TUBA4B: variants seen among roughly 807,000 people sequenced by gnomAD.
The protein encoded by TUBA4B is tubulin alpha 4b.
Under a neutral mutation model 18.4 loss-of-function variants are expected in TUBA4B, and 13 were observed. The observed-to-expected ratio is 0.71, with a 90% CI of 0.46 to 1.12. The LOEUF (loss-of-function observed/expected upper bound fraction) is 1.12. Ranked by LOEUF, TUBA4B falls within the 50% of genes most tolerant of loss-of-function variation. The pLI is 0.00. For synonymous variants in TUBA4B, 101 were observed against 99.1 expected, an observed-to-expected ratio of 1.02 and a Z score of -0.11; for missense variants, 244 against 250.0, an observed-to-expected ratio of 0.98 and a Z score of 0.16.
chr2:219,270,400 G>A (rs1050370171), intron 3 of TUBA4B, 65 bp downstream of exon 3: 1 of 694,190 alleles, frequency 1.4e-6, no homozygotes, highest in African/African-American at 1.8e-5. Flanking sequence ...GAGGTAGTCT[G>A]GACACCAGAT....
chr2:219,263,642 A>G (rs1005876785), intron 1 of TUBA4B, among the ~76,000 whole-genome samples: 1 of 152,188 alleles, frequency 6.6e-6, no homozygotes, highest in African/African-American at 2.4e-5. Context: ...CTCCATCTGG[A>G]CAATAATTCC....
chr2:219,257,312 ACTACAGGTGTGAG>A (rs1014469921), intron 1 of TUBA4B, among the ~76,000 whole-genome samples: 1 of 145,262 alleles, frequency 6.9e-6, no homozygotes, highest in African/African-American at 2.5e-5. Flanking sequence ...AAATGCTGGG[ACTACAGGTGTGAG>A]CCACTGCGCC....
intron 1 of TUBA4B, among the ~76,000 whole-genome samples, chr2:219,255,208 C>A (rs1019645709): frequency 6.6e-6 from 1 of 152,186 alleles, no homozygotes; most frequent in Non-Finnish European, 1.5e-5. Flanking sequence ...AGACCACAGG[C>A]GTGCACCAAC....
rs370821428 is a variant in TUBA4B at position 219,253,368 on chromosome 2, T to G, written c.-40T>G. 0.029 allele frequency: 44,514 copies of G among 1,529,366 alleles called. 752 individuals carry two copies. The highest frequency in any genetic ancestry group is 0.034 in the Non-Finnish European group (38,678 of 1,144,216). 94.7% of individuals were successfully genotyped at this position (1,529,366 alleles called of 1,614,324 possible). On this transcript the variant is annotated 5_prime_UTR_variant, in exon 1 of 4. Transcript: ENST00000490341. ...GTGCTGAGTCACGGGGGGGGGGTGG[T>G]TCTGTGGATAGTTGGAATGCATACA...
intron 1 of TUBA4B, among the ~76,000 whole-genome samples, chr2:219,255,061 T>G (rs1296877538): frequency 6.6e-6 from 1 of 152,034 alleles, no homozygotes; most frequent in Non-Finnish European, 1.5e-5. Flanking sequence ...TCTCTCTCTC[T>G]CTCTTTTGAG....
intron 1 of TUBA4B, among the ~76,000 whole-genome samples, chr2:219,260,117 T>C (rs533921346): frequency 1.2e-4 from 18 of 152,276 alleles, no homozygotes; most frequent in Admixed American, 9.2e-4. Context: ...CTAGCTTTTG[T>C]CCTGGCCCCT....
rs1553571364 is a variant in TUBA4B, at chr2:219,253,358, G to GT, written c.-50_-49insT. 2.0e-6 allele frequency: 3 copies of GT among 1,528,028 alleles called. No homozygotes were observed. The highest frequency in any genetic ancestry group is 2.4e-5 in the East Asian group (1 of 40,886). The allele number at this position is 1,528,028 out of a possible 1,614,324, so 94.7% of individuals were successfully genotyped here. A position where few individuals can be genotyped will look rare whatever the true frequency, so the allele number is the denominator to read the frequency against. ...CAGACGCGGGGTGCTGAGTCACGGG[G>GT]GGGGGGTGGTTCTGTGGATAGTTGG... On this transcript the variant is annotated 5_prime_UTR_variant, in exon 1 of 4. Coordinates refer to ENST00000490341, the MANE Select transcript of TUBA4B (RefSeq NM_001355221.1).
chr2:219,253,564 C>G (rs1951684702), intron 1 of TUBA4B, 145 bp downstream of exon 1: 1 of 772,742 alleles, frequency 1.3e-6, no homozygotes, highest in East Asian at 2.7e-5. Flanking sequence ...GACTCTCATA[C>G]AGAGTCGGGA....
In TUBA4B at chr2:219,271,806, C is replaced by T. The variant is rs552055271; in HGVS notation, c.*107C>T. On this transcript the variant is annotated 3_prime_UTR_variant, in exon 4 of 4. Coordinates refer to ENST00000490341, the MANE Select transcript of TUBA4B (RefSeq NM_001355221.1). ...CCATTGCTGCCATCAAGACCAAGTG[C>T]AGCATTCAGTTTGTGGACTGGTGCC... 2 of 1,602,128 alleles carry T rather than the reference C, an allele frequency of 1.2e-6. No homozygotes were observed. The highest frequency in any genetic ancestry group is 2.7e-5 in the African/African-American group (2 of 74,832).
At chr2:219,259,040 T>C (rs778208035) in intron 1 of TUBA4B, among the ~76,000 whole-genome samples, 1 of 151,850 alleles carries the variant, frequency 6.6e-6, no homozygotes, top group Non-Finnish European at 1.5e-5. Flanking sequence ...CCTAGCACTC[T>C]GGGAGGCCGA....
Position 219,272,098 on chromosome 2 carries a change from T to C in TUBA4B, c.*399T>C, listed in dbSNP as rs1951831740. On this transcript the variant is annotated 3_prime_UTR_variant, in exon 4 of 4. Transcript: ENST00000490341. ...GAGAAGGATTACAAGGAGGTGGGCA[T>C]GGATAGTGTGGAGTGGGGGGAAGAA... The C allele has an allele frequency of 2.1e-6, 2 of 956,726 alleles. No homozygotes were observed. Among genetic ancestry groups the C allele is most frequent in the Middle Eastern group, 5.2e-4 (2 of 3,834 alleles). 59.3% of individuals were successfully genotyped at this position (956,726 alleles called of 1,614,324 possible).
chr2:219,262,107 C>T (rs935226067), intron 1 of TUBA4B, among the ~76,000 whole-genome samples: 17 of 152,110 alleles, frequency 1.1e-4, no homozygotes, highest in Admixed American at 6.6e-5. Context: ...GTCAGGAGAT[C>T]GAGACCATCC....
chr2:219,265,996 T>A (rs1331787446), intron 1 of TUBA4B, among the ~76,000 whole-genome samples: 1 of 152,258 alleles, frequency 6.6e-6, no homozygotes, highest in Non-Finnish European at 1.5e-5. Flanking sequence ...TCTAGGTCGC[T>A]TGTTCTATGA....
intron 1 of TUBA4B, among the ~76,000 whole-genome samples, chr2:219,262,603 G>T (rs1336751186): frequency 6.6e-6 from 1 of 152,076 alleles, no homozygotes; most frequent in African/African-American, 2.4e-5. Flanking sequence ...GACCTCCTGC[G>T]CTCAAGTGAG....
In TUBA4B at chr2:219,271,834, A is replaced by G. The variant is rs1215966839; in HGVS notation, c.*135A>G. ...CATTCAGTTTGTGGACTGGTGCCCCACAGGCTTTAAGGTTGATATCAATCA... is the reference window on the plus strand; with the variant it reads ...CATTCAGTTTGTGGACTGGTGCCCCGCAGGCTTTAAGGTTGATATCAATCA... On this transcript the variant is annotated 3_prime_UTR_variant, in exon 4 of 4. Transcript: ENST00000490341. 6.4e-7 allele frequency: 1 copy of G among 1,571,562 alleles called. No individual in the cohort carries two copies. The highest frequency in any genetic ancestry group is 8.8e-7 in the Non-Finnish European group (1 of 1,141,448).
In TUBA4B at chr2:219,272,052, C is replaced by T; in HGVS notation, c.*353C>T. The stretch of plus-strand genomic sequence containing the variant: ...GGAGGAGGGTGAGTTCTCCAAGGCC[C>T]ATGAGGATATGACTGCCCTGGAGAA... On this transcript the variant is annotated 3_prime_UTR_variant, in exon 4 of 4. Coordinates refer to ENST00000490341, the MANE Select transcript of TUBA4B (RefSeq NM_001355221.1). 1 of 1,405,776 alleles carries T rather than the reference C, an allele frequency of 7.1e-7. No homozygotes were observed. The highest frequency in any genetic ancestry group is 1.0e-6 in the Non-Finnish European group (1 of 992,944). The allele number at this position is 1,405,776 out of a possible 1,614,324, so 87.1% of individuals were successfully genotyped here.
chr2:219,261,787 C>T (rs191490797), intron 1 of TUBA4B, among the ~76,000 whole-genome samples: 17 of 152,306 alleles, frequency 1.1e-4, no homozygotes, highest in South Asian at 6.2e-4. Flanking sequence ...TAGGCAATGA[C>T]GCTTGTTTCA....
At chr2:219,259,124 T>TAATAAATA (rs58291199) in intron 1 of TUBA4B, among the ~76,000 whole-genome samples, 86 of 134,420 alleles carry the variant, frequency 6.4e-4, no homozygotes, top group South Asian at 3.2e-3. Context: ...CTACTAAAAA[T>TAATAAATA]AATAAATAAA....
intron 1 of TUBA4B, 84 bp from the exon 2 acceptor site, chr2:219,266,437 G>A: frequency 3.1e-6 from 2 of 654,912 alleles, no homozygotes; most frequent in South Asian, 1.7e-5. Flanking sequence ...TCCACCTGCT[G>A]AGAGCCACCC....
Sources: gnomAD v4.1 joint callset for allele counts (sites outside exome capture counted in the v4.1 genomes callset) on GRCh38, gnomAD v4.1.1 for gene constraint, MANE v1.5 for transcripts, NCBI Gene and HGNC (gene_info 2026-07-23, HGNC 2026-07-21) for gene names.